Variants in PCDHGA6 observed in about 807,000 individuals in gnomAD.
PCDHGA6 encodes the protein protocadherin gamma subfamily A, 6.
Under a neutral mutation model 60.6 loss-of-function variants are expected in PCDHGA6, and 41 were observed. The ratio of observed to expected loss-of-function variants is 0.68; its 90% CI spans 0.53 to 0.88. The LOEUF is 0.88. Ranked by LOEUF, PCDHGA6 falls within the 40% of genes least tolerant of loss-of-function variation. The pLI is 0.00. For missense variants in PCDHGA6, 1,312 were observed against 1,203.0 expected, an observed-to-expected ratio of 1.09 and a Z score of -1.34; for synonymous variants, 594 against 524.4, an observed-to-expected ratio of 1.13 and a Z score of -1.81.
At chr5:141,422,201 G>A in intron 1 of PCDHGA6, 1 of 1,562,386 alleles carries the variant, frequency 6.4e-7, no homozygotes, top group Non-Finnish European at 8.6e-7. Context: ...GGCCAAGATG[G>A]TGGAGGTCTC....
intron 1 of PCDHGA6, chr5:141,394,892 C>T (rs267600457): frequency 4.5e-4 from 723 of 1,613,752 alleles, no homozygotes; most frequent in Non-Finnish European, 5.8e-4. Context: ...CACTCTATCT[C>T]GTGGTGGCAG....
At chr5:141,415,885 C>G in intron 1 of PCDHGA6, 2 of 979,016 alleles carry the variant, frequency 2.0e-6, no homozygotes, top group Non-Finnish European at 2.7e-6. Flanking sequence ...ACAATATTGA[C>G]AATTCCTAAG....
At chr5:141,408,714 A>G (rs771519650) in intron 1 of PCDHGA6, 8 of 1,612,346 alleles carry the variant, frequency 5.0e-6, no homozygotes, top group Non-Finnish European at 6.8e-6. Context: ...AAAGATTATA[A>G]GATAAACTCT....
At chr5:141,386,849 C>G (rs1259863561) in intron 1 of PCDHGA6, among the ~76,000 whole-genome samples, 1 of 152,200 alleles carries the variant, frequency 6.6e-6, no homozygotes, top group Non-Finnish European at 1.5e-5. Context: ...AATCACTAAA[C>G]TCAGTGAGCT....
Position 141,375,358 on chromosome 5 carries a change from G to A in PCDHGA6, c.1275G>A (p.Thr425=), listed in dbSNP as rs1436482456. Residue 425 remains threonine, a synonymous_variant, in exon 1 of 4, where the codon ACG becomes ACA. Coordinates refer to ENST00000517434, the MANE Select transcript of PCDHGA6 (RefSeq NM_018919.3). ...TGTACAACATCACTGTGACAGCCAC[G>A]GACAAAGGAACACCACCTCTGTCTA... is the stretch of plus-strand genomic sequence containing the variant. The part of the protein sequence containing the change: ...VFLYNITVTA[T]DKGTPPLSTE... 1.2e-6 allele frequency: 2 copies of A among 1,613,810 alleles called. No individual in the cohort carries two copies. The highest frequency in any genetic ancestry group is 8.5e-7 in the Non-Finnish European group (1 of 1,179,912).
chr5:141,403,324 T>G (rs769971532), intron 1 of PCDHGA6: 1 of 1,613,974 alleles, frequency 6.2e-7, no homozygotes, highest in East Asian at 2.2e-5. Context: ...TAGAAGTAAC[T>G]GATATTAACG....
In PCDHGA6 at chr5:141,432,287, G is replaced by A. The variant is rs189131107; in HGVS notation, c.2424+55780G>A. On this transcript the variant is annotated intron_variant, in intron 1 of 3. Transcript: ENST00000517434. This position sits in a 1 kb window ranked among gnomAD's most constrained non-coding sequence, Gnocchi z 6.0. ...ATCGTCCTACGTGTCCATCAACTCC[G>A]ACACTGGGGTACTGTATGCGCTGAG... The A allele has an allele frequency of 2.3e-4, 365 of 1,614,216 alleles. 2 individuals carry two copies. In the East Asian group the frequency reaches 6.5e-3, roughly 29 times the overall value.
rs1463716042 is a variant in PCDHGA6 at position 141,511,338 on chromosome 5, T to C, written c.*165T>C. 42 of 1,429,834 alleles carry C rather than the reference T, an allele frequency of 2.9e-5. No homozygotes were observed. The highest frequency in any genetic ancestry group is 3.9e-5 in the Non-Finnish European group (42 of 1,075,502). 88.6% of individuals were successfully genotyped at this position (1,429,834 alleles called of 1,614,324 possible). A position where few individuals can be genotyped will look rare whatever the true frequency, so the allele number is the denominator to read the frequency against. On this transcript the variant is annotated 3_prime_UTR_variant, in exon 4 of 4. Coordinates refer to ENST00000517434, the MANE Select transcript of PCDHGA6 (RefSeq NM_018919.3). ...CAGAAACAAGTGCCCAGTCAGCACC[T>C]ACCCCTTCCCCCCCAGGGGGTTGAA... is the stretch of plus-strand genomic sequence containing the variant.
At chr5:141,457,953 C>G (rs12188170) in intron 1 of PCDHGA6, among the ~76,000 whole-genome samples, 6,291 of 152,286 alleles carry the variant, frequency 0.041, 196 homozygotes, top group Admixed American at 0.075. Context: ...GCATGTCAAG[C>G]TTGATTCCTT....
chr5:141,379,889 C>CTTTTGTTTTTTTTT (rs1775942254), intron 1 of PCDHGA6, among the ~76,000 whole-genome samples: 1 of 50,830 alleles, frequency 2.0e-5, no homozygotes, highest in African/African-American at 6.6e-5. Context: ...GTGAAAGCCT[C>CTTTTGTTTTTTTTT]TTTTTTTTTT....
chr5:141,394,228 T>C lies in PCDHGA6; in HGVS notation c.2424+17721T>C, dbSNP rs1236057008. On this transcript the variant is annotated intron_variant, in intron 1 of 3. Transcript: ENST00000517434. ...AACAACCTGAGAGGAGCCTCCATCT[T>C]TTCCTTGACTGCACACGACCCCGAC... is the stretch of plus-strand genomic sequence containing the variant. 3.7e-6 allele frequency: 6 copies of C among 1,613,886 alleles called. No individual in the cohort carries two copies. The South Asian group carries it at 4.4e-5, about 12-fold the overall frequency.
chr5:141,483,870 G>C (rs548525439), intron 1 of PCDHGA6, among the ~76,000 whole-genome samples: 9 of 152,142 alleles, frequency 5.9e-5, no homozygotes, highest in Non-Finnish European at 1.3e-4. Context: ...TCCAGATCAG[G>C]ATGGATTTTT....
chr5:141,408,869 AG>A, intron 1 of PCDHGA6: 1 of 1,613,690 alleles, frequency 6.2e-7, no homozygotes, highest in Non-Finnish European at 8.5e-7. Context: ...CCCACCAAGA[AG>A]TGCCACCGCT....
intron 1 of PCDHGA6, chr5:141,422,096 C>T: frequency 6.2e-7 from 1 of 1,610,710 alleles, no homozygotes; most frequent in Non-Finnish European, 8.5e-7. Context: ...AGCAAGGCTT[C>T]TGAAATATTC....
At position 141,384,635 on chromosome 5, in the gene PCDHGA6, C is replaced by G. The variant is rs752480661; in HGVS notation, c.2424+8128C>G. On this transcript the variant is annotated intron_variant, in intron 1 of 3. Coordinates refer to ENST00000517434, the MANE Select transcript of PCDHGA6 (RefSeq NM_018919.3). The stretch of plus-strand genomic sequence containing the variant: ...GGTTCTACTGGCATGGAGCTGGCAC[C>G]CCGCTCCGCAGAGCCCGGCTACCTG... The G allele has an allele frequency of 1.9e-6, 3 of 1,614,214 alleles. No individual in the cohort carries two copies. The East Asian group carries it at 6.7e-5, about 36-fold the overall frequency.
chr5:141,413,906 C>G, intron 1 of PCDHGA6: 1 of 1,613,310 alleles, frequency 6.2e-7, no homozygotes. Context: ...GACAACGCGC[C>G]GGTCTTCACC....
intron 1 of PCDHGA6, among the ~76,000 whole-genome samples, chr5:141,459,838 A>C (rs944807247): frequency 1.3e-5 from 2 of 152,098 alleles, no homozygotes; most frequent in African/African-American, 4.8e-5. Context: ...TGTGTTGTCT[A>C]TTTGTATATC....
chr5:141,427,458 A>T (rs2097029342), intron 1 of PCDHGA6: 1 of 494,398 alleles, frequency 2.0e-6, no homozygotes, highest in African/African-American at 1.9e-5. Context: ...TCCTTTTAGA[A>T]TCGAATCTTC....
chr5:141,394,608 G>A lies in PCDHGA6; in HGVS notation c.2424+18101G>A, dbSNP rs749049825. 15 of 1,613,420 alleles carry A rather than the reference G, an allele frequency of 9.3e-6. No homozygotes were observed. The African/African-American group carries it at 1.9e-4, about 20-fold the overall frequency. ...GGTGGTGGCGGTGGACAGAGACTCGGGCCAGAACGCCTGGCTGTCCTACCG... is the reference window on the plus strand; with the variant it reads ...GGTGGTGGCGGTGGACAGAGACTCGAGCCAGAACGCCTGGCTGTCCTACCG... On this transcript the variant is annotated intron_variant, in intron 1 of 3. Transcript: ENST00000517434.
Sources: allele counts gnomAD v4.1 joint callset (sites outside exome capture counted in the v4.1 genomes callset), GRCh38; gene constraint gnomAD v4.1.1; non-coding constraint Gnocchi (gnomAD v3.1); transcripts MANE v1.5; gene names NCBI Gene and HGNC (gene_info 2026-07-23, HGNC 2026-07-21).